The following FEZ2 variants were observed in gnomAD, a reference collection of about 807,000 sequenced individuals.
FEZ2 encodes the protein fasciculation and elongation protein zeta-2.
FEZ2 carries 51 observed loss-of-function variants against 40.4 expected under a neutral mutation model. The observed-to-expected ratio is 1.26, with a 90% CI of 1.01 to 1.59. FEZ2 has a LOEUF of 1.59. Ranked by LOEUF, FEZ2 falls within the 40% of genes most tolerant of loss-of-function variation. The pLI is 0.00. For synonymous variants in FEZ2, 242 were observed against 172.0 expected, an observed-to-expected ratio of 1.41 and a Z score of -3.18; for missense variants, 640 against 438.3, an observed-to-expected ratio of 1.46 and a Z score of -4.11.
chr2:36,563,347 C>T (rs1458973578), intron 5 of FEZ2, among the ~76,000 whole-genome samples: 1 of 152,114 alleles, frequency 6.6e-6, no homozygotes, highest in Non-Finnish European at 1.5e-5. Flanking sequence ...GAACCTCTGT[C>T]CTTGCTGCTG....
At chr2:36,574,314 C>T (rs1215434066) in intron 5 of FEZ2, among the ~76,000 whole-genome samples, 1 of 152,066 alleles carries the variant, frequency 6.6e-6, no homozygotes, top group African/African-American at 2.4e-5. Flanking sequence ...GGGTTTGACA[C>T]CTGGCAGAAA....
chr2:36,569,394 G>T (rs571115849), intron 5 of FEZ2, among the ~76,000 whole-genome samples: 1 of 152,086 alleles, frequency 6.6e-6, no homozygotes, highest in Admixed American at 6.5e-5. Flanking sequence ...ATAAATCCCC[G>T]ATTATAGTTC....
At chr2:36,573,548 T>G (rs1024470619) in intron 5 of FEZ2, among the ~76,000 whole-genome samples, 1 of 152,258 alleles carries the variant, frequency 6.6e-6, no homozygotes, top group South Asian at 2.1e-4. Context: ...CACTGAAGTT[T>G]CAATTCAACA....
chr2:36,579,247 G>T (rs530333125), intron 4 of FEZ2, among the ~76,000 whole-genome samples: 1 of 152,324 alleles, frequency 6.6e-6, no homozygotes, highest in South Asian at 2.1e-4. Context: ...ACAAAAAACT[G>T]CAAGCCGTTC....
At chr2:36,567,185 T>C (rs923552139) in intron 5 of FEZ2, among the ~76,000 whole-genome samples, 1 of 151,740 alleles carries the variant, frequency 6.6e-6, no homozygotes, top group African/African-American at 2.4e-5. Context: ...GTGACACTCC[T>C]AACACCAGAA....
At chr2:36,570,351 A>C (rs902479894) in intron 5 of FEZ2, among the ~76,000 whole-genome samples, 2 of 152,178 alleles carry the variant, frequency 1.3e-5, no homozygotes, top group African/African-American at 4.8e-5. Context: ...TATAATACAA[A>C]GATCTTCAAA....
chr2:36,594,801 C>T (rs1480672502), intron 1 of FEZ2, among the ~76,000 whole-genome samples: 1 of 152,138 alleles, frequency 6.6e-6, no homozygotes, highest in Non-Finnish European at 1.5e-5. Flanking sequence ...CCTTCTTAAA[C>T]AAGGCTATAA....
intron 5 of FEZ2, among the ~76,000 whole-genome samples, chr2:36,574,449 A>G (rs848623): frequency 6.6e-6 from 1 of 151,720 alleles, no homozygotes; most frequent in Non-Finnish European, 1.5e-5. Flanking sequence ...ATTTCTTATC[A>G]TTAGGGACAT....
intron 5 of FEZ2, among the ~76,000 whole-genome samples, chr2:36,563,102 C>T (rs980735167): frequency 2.0e-5 from 3 of 152,318 alleles, no homozygotes; most frequent in South Asian, 2.1e-4. Flanking sequence ...GTTTCAATTT[C>T]GTAACATGCA....
chr2:36,570,745 C>A (rs1355362871), intron 5 of FEZ2, among the ~76,000 whole-genome samples: 1 of 152,156 alleles, frequency 6.6e-6, no homozygotes, highest in African/African-American at 2.4e-5. Flanking sequence ...ATGTAGACAA[C>A]AGTAACACAA....
At position 36,570,606 on chromosome 2, in the gene FEZ2, G is replaced by T. The variant is rs114305573; in HGVS notation, c.903+7991C>A. On this transcript the variant is annotated intron_variant, in intron 5 of 7. Transcript: ENST00000405912. ...AAGAAATGAGTCAGGCAACTTTGTC[G>T]TATAGACCATGACAGAGTGTACTTA... 6.6e-3 allele frequency among the ~76,000 whole-genome samples: 1,002 copies of T among 152,222 alleles called. 10 individuals carry two copies. The highest frequency in any genetic ancestry group is 0.021 in the African/African-American group (871 of 41,530).
In FEZ2 at chr2:36,583,397, T is replaced by G. The variant is rs1028144085; in HGVS notation, c.448A>C (p.Ile150Leu). ...GGTTCATCATTAACACAGGAGACGA[T>G]GATTGAGTGCATATCCAGCTGTTCT... ...LREQLDMHSI[I>L]VSCVNDEPLF... The change falls in exon 3 of 8, where the codon ATC (isoleucine) becomes CTC (leucine). Residue 150 changes from isoleucine to leucine, a missense_variant. Coordinates refer to ENST00000405912, the MANE Select transcript of FEZ2 (RefSeq NM_005102.3). The G allele has an allele frequency of 3.1e-6, 5 of 1,608,096 alleles. No homozygotes were observed. Among genetic ancestry groups the G allele is most frequent in the East Asian group, 2.2e-5 (1 of 44,850 alleles).
At chr2:36,553,513 GTTTCTGCA>G (rs1458766980) in intron 7 of FEZ2, among the ~76,000 whole-genome samples, 2 of 152,162 alleles carry the variant, frequency 1.3e-5, no homozygotes, top group African/African-American at 4.8e-5. Context: ...AAGGGTGCAA[GTTTCTGCA>G]CACATTTTTA....
At chr2:36,570,057 T>C (rs1400726313) in intron 5 of FEZ2, among the ~76,000 whole-genome samples, 2 of 151,926 alleles carry the variant, frequency 1.3e-5, no homozygotes, top group African/African-American at 4.8e-5. Context: ...TTTTAATAAA[T>C]TAAAATAATC....
intron 5 of FEZ2, among the ~76,000 whole-genome samples, chr2:36,577,870 G>A (rs767083850): frequency 6.6e-6 from 1 of 152,152 alleles, no homozygotes; most frequent in African/African-American, 2.4e-5. Context: ...ATTAAAAAGA[G>A]ATGTCCCATT....
At chr2:36,579,641 C>CA (rs1553342879) in intron 4 of FEZ2, among the ~76,000 whole-genome samples, 4 of 152,162 alleles carry the variant, frequency 2.6e-5, no homozygotes, top group Non-Finnish European at 4.4e-5. Flanking sequence ...GAGGCCCCCC[C>CA]AGAAGCAGAT....
At chr2:36,593,966 A>T (rs760887190) in intron 1 of FEZ2, among the ~76,000 whole-genome samples, 7 of 151,966 alleles carry the variant, frequency 4.6e-5, no homozygotes, top group Non-Finnish European at 7.4e-5. Flanking sequence ...TTTACTGCTT[A>T]GAAATTTTTT....
intron 5 of FEZ2, among the ~76,000 whole-genome samples, chr2:36,577,554 A>G (rs996060207): frequency 6.6e-6 from 1 of 152,220 alleles, no homozygotes; most frequent in Non-Finnish European, 1.5e-5. Context: ...GTGCCCAGCC[A>G]CGATGTCCTT....
chr2:36,598,144 G>T lies in FEZ2; in HGVS notation c.-2C>A. 2 of 1,468,644 alleles carry T rather than the reference G, an allele frequency of 1.4e-6. No individual in the cohort carries two copies. Among genetic ancestry groups the T allele is most frequent in the Non-Finnish European group, 1.8e-6 (2 of 1,118,080 alleles). The allele number at this position is 1,468,644 out of a possible 1,614,324, so 91.0% of individuals were successfully genotyped here. A position where few individuals can be genotyped will look rare whatever the true frequency, so the allele number is the denominator to read the frequency against. On this transcript the variant is annotated 5_prime_UTR_variant, in exon 1 of 8. Transcript: ENST00000405912. ...CTGCCAGTCCCCGTCCGCCGCCATC[G>T]CCGCCCGGAGCAGTCGCGCGCCCCG...
Sources: allele counts gnomAD v4.1 joint callset (sites outside exome capture counted in the v4.1 genomes callset), GRCh38; gene constraint gnomAD v4.1.1; transcripts MANE v1.5; gene names NCBI Gene and HGNC (gene_info 2026-07-23, HGNC 2026-07-21).